ADAMTSL1: variants seen among roughly 807,000 people sequenced by gnomAD.
ADAMTSL1 encodes the protein ADAMTS like 1.
ADAMTSL1 carries 126 observed loss-of-function variants against 201.8 expected under a neutral mutation model. The observed-to-expected ratio is 0.62, with a 90% CI of 0.54 to 0.72. ADAMTSL1 has a LOEUF of 0.72. ADAMTSL1 is among the 30% of genes least tolerant of loss of function. The pLI is 0.00. For synonymous variants in ADAMTSL1, 1,121 were observed against 903.4 expected (o/e 1.24, Z -4.32); for missense variants, 2,679 against 2,277.8 (o/e 1.18, Z -3.59).
chr9:18,254,571 G>C (rs977182047), intron 2 of ADAMTSL1, among the ~76,000 whole-genome samples: 1 of 151,518 alleles, frequency 6.6e-6, no homozygotes, highest in African/African-American at 2.4e-5. Flanking sequence ...CACCATGTTA[G>C]CCAGGATGGT....
At chr9:18,863,699 A>C (rs139754346) in intron 23 of ADAMTSL1, among the ~76,000 whole-genome samples, 14 of 152,256 alleles carry the variant, frequency 9.2e-5, no homozygotes, top group African/African-American at 3.1e-4. Flanking sequence ...TTTAGCGACC[A>C]TCTCTGCCAC....
At chr9:18,563,787 C>A (rs976536147) in intron 3 of ADAMTSL1, among the ~76,000 whole-genome samples, 7 of 152,208 alleles carry the variant, frequency 4.6e-5, no homozygotes, top group African/African-American at 1.7e-4. Flanking sequence ...CCAGTTCAAA[C>A]CTCCGGGGGC....
intron 2 of ADAMTSL1, among the ~76,000 whole-genome samples, chr9:18,432,808 A>G (rs1007284653): frequency 6.6e-6 from 1 of 152,168 alleles, no homozygotes; most frequent in Non-Finnish European, 1.5e-5. Flanking sequence ...TTGTAGTACG[A>G]TGGTTCTTCT....
intron 1 of ADAMTSL1, among the ~76,000 whole-genome samples, chr9:17,996,329 C>T (rs951082554): frequency 6.6e-6 from 1 of 151,992 alleles, no homozygotes; most frequent in African/African-American, 2.4e-5. Context: ...GCTTTTACTT[C>T]CTTGGCACAC....
intron 8 of ADAMTSL1, among the ~76,000 whole-genome samples, chr9:18,658,469 A>G (rs538407837): frequency 1.3e-5 from 2 of 152,350 alleles, no homozygotes; most frequent in South Asian, 4.1e-4. Flanking sequence ...TAGAGAAAAT[A>G]GTTTGCTACC....
chr9:18,171,813 G>A (rs1476795460), intron 2 of ADAMTSL1, among the ~76,000 whole-genome samples: 1 of 152,038 alleles, frequency 6.6e-6, no homozygotes, highest in Non-Finnish European at 1.5e-5. Context: ...ATGGTTTTAG[G>A]TCTTACGTTT....
At chr9:18,637,225 G>A (rs1375208667) in intron 6 of ADAMTSL1, among the ~76,000 whole-genome samples, 3 of 152,030 alleles carry the variant, frequency 2.0e-5, no homozygotes, top group African/African-American at 7.2e-5. Flanking sequence ...AAAATACAGT[G>A]TTCACATGTC....
intron 1 of ADAMTSL1, among the ~76,000 whole-genome samples, chr9:17,982,561 G>C (rs978353448): frequency 6.6e-6 from 1 of 152,108 alleles, no homozygotes; most frequent in Admixed American, 6.6e-5. Flanking sequence ...GCAGTAAGCC[G>C]AGATCGTGCC....
intron 20 of ADAMTSL1, among the ~76,000 whole-genome samples, chr9:18,813,458 A>T (rs1823639744): frequency 6.6e-6 from 1 of 152,228 alleles, no homozygotes; most frequent in Admixed American, 6.5e-5. Flanking sequence ...ATCCATGAGC[A>T]TGGGATATCT....
At chr9:18,223,606 C>G (rs925114677) in intron 2 of ADAMTSL1, among the ~76,000 whole-genome samples, 1 of 152,016 alleles carries the variant, frequency 6.6e-6, no homozygotes, top group Non-Finnish European at 1.5e-5. Context: ...GTTTATTTTT[C>G]AAATATGCTT....
At chr9:18,161,119 C>T (rs1427658006) in intron 1 of ADAMTSL1, among the ~76,000 whole-genome samples, 1 of 151,896 alleles carries the variant, frequency 6.6e-6, no homozygotes, top group Non-Finnish European at 1.5e-5. Flanking sequence ...GAAATACAAG[C>T]AGGCAGACAT....
intron 2 of ADAMTSL1, among the ~76,000 whole-genome samples, chr9:18,343,034 G>GT (rs570325309): frequency 0.011 from 1,562 of 145,534 alleles, 19 homozygotes; most frequent in African/African-American, 0.029. Flanking sequence ...TTTTTGTTTT[G>GT]TTTTTTTTTT....
At chr9:18,645,754 G>A (rs1002687128) in intron 7 of ADAMTSL1, among the ~76,000 whole-genome samples, 8 of 145,938 alleles carry the variant, frequency 5.5e-5, no homozygotes, top group African/African-American at 2.0e-4. Flanking sequence ...CTATATCTCT[G>A]TTTTGGTACC....
chr9:18,344,144 C>T (rs1335615573), intron 2 of ADAMTSL1, among the ~76,000 whole-genome samples: 5 of 152,022 alleles, frequency 3.3e-5, no homozygotes, highest in South Asian at 4.2e-4. Context: ...TTTTAATTAC[C>T]AAAATTTAGG....
intron 2 of ADAMTSL1, among the ~76,000 whole-genome samples, chr9:18,289,332 C>A (rs1833158483): frequency 6.6e-6 from 1 of 152,142 alleles, no homozygotes; most frequent in Admixed American, 6.5e-5. Flanking sequence ...GTTTGGAGGG[C>A]TAAGAAGTAC....
At chr9:18,174,124 T>G (rs540376451) in intron 2 of ADAMTSL1, among the ~76,000 whole-genome samples, 1 of 152,170 alleles carries the variant, frequency 6.6e-6, no homozygotes, top group Non-Finnish European at 1.5e-5. Flanking sequence ...AGAAAACCAC[T>G]TGAGGCACCA....
intron 2 of ADAMTSL1, among the ~76,000 whole-genome samples, chr9:18,333,497 C>T (rs760503550): frequency 6.6e-6 from 1 of 152,110 alleles, no homozygotes; most frequent in Non-Finnish European, 1.5e-5. Flanking sequence ...TATGCAGTCT[C>T]GGGTGTTTCC....
At chr9:18,891,202 C>T (rs1829245665) in intron 25 of ADAMTSL1, among the ~76,000 whole-genome samples, 1 of 147,302 alleles carries the variant, frequency 6.8e-6, no homozygotes, top group African/African-American at 2.5e-5. Context: ...CATAGGTTCA[C>T]CTTTGACCCG....
intron 1 of ADAMTSL1, among the ~76,000 whole-genome samples, chr9:18,142,252 CA>C (rs1184510575): frequency 6.6e-6 from 1 of 152,152 alleles, no homozygotes; most frequent in East Asian, 1.9e-4. Flanking sequence ...CAGAGCTCAC[CA>C]AATACATTAG....
Sources: gnomAD v4.1 joint callset for allele counts (sites outside exome capture counted in the v4.1 genomes callset) on GRCh38, gnomAD v4.1.1 for gene constraint, MANE v1.5 for transcripts, NCBI Gene and HGNC (gene_info 2026-07-23, HGNC 2026-07-21) for gene names.